The following TDRD12 variants were observed in gnomAD, a reference collection of about 807,000 sequenced individuals.
TDRD12 encodes the protein tudor domain containing 12.
In TDRD12, 158 loss-of-function variants were observed where a neutral mutation model predicts 133.5. The observed-to-expected ratio is 1.18, with a 90% confidence interval of 1.04 to 1.35. TDRD12 has a LOEUF of 1.35. Ranked by LOEUF, TDRD12 falls within the 40% of genes most tolerant of loss-of-function variation. The pLI is 0.00. For synonymous variants in TDRD12, 460 were observed against 477.9 expected (o/e 0.96, Z 0.49); for missense variants, 1,443 against 1,321.3 (o/e 1.09, Z -1.43).
Position 32,813,784 on chromosome 19 carries a change from C to T in TDRD12, c.3141+8C>T, listed in dbSNP as rs8107900. ...GTTTGGATTGATCCAATGGTAAGTA[C>T]GCATTTTTTCTTAGAAATAAATTTG... On this transcript the variant is annotated splice_region_variant and intron_variant, in intron 25 of 27. Transcript: ENST00000444215. The T allele has an allele frequency of 0.54, 796,557 of 1,485,234 alleles. 218,258 individuals are homozygous for T. Among genetic ancestry groups the T allele is most frequent in the East Asian group, 0.86 (34,662 of 40,502 alleles). The allele number at this position is 1,485,234 out of a possible 1,614,324, so 92.0% of individuals were successfully genotyped here.
exon 10 of TDRD12, chr19:32,827,197 C>T (rs1967619254): frequency 1.6e-6 from 2 of 1,231,754 alleles, no homozygotes; most frequent in Non-Finnish European, 2.0e-6. Context: ...TACACAGTGA[C>T]AGAGGTGGTT....
intron 9 of TDRD12, 136 bp from the exon 10 acceptor site, chr19:32,773,320 C>CT: frequency 1.3e-6 from 1 of 758,804 alleles, no homozygotes; most frequent in Non-Finnish European, 2.2e-6. Context: ...TTTTATCTCT[C>CT]TATCTCTGTG....
Position 32,807,396 on chromosome 19 carries a change from A to T in TDRD12, c.2553-153A>T, listed in dbSNP as rs1599613603. The T allele has an allele frequency of 6.9e-6, 3 of 435,134 alleles. No homozygotes were observed. The East Asian group carries it at 1.1e-4, about 16-fold the overall frequency. 27.0% of individuals were successfully genotyped at this position (435,134 alleles called of 1,614,324 possible). A position where few individuals can be genotyped will look rare whatever the true frequency, so the allele number is the denominator to read the frequency against. On this transcript the variant is annotated intron_variant, in intron 21 of 27. Coordinates refer to ENST00000444215, the Ensembl canonical transcript of TDRD12. ...CACTTATTTGTATATTATTAATGTCATCTGAAATATTTAATGTGGTTATTC... is the reference window on the plus strand; with the variant it reads ...CACTTATTTGTATATTATTAATGTCTTCTGAAATATTTAATGTGGTTATTC...
downstream of TDRD12, among the ~76,000 whole-genome samples, chr19:32,825,824 G>A (rs955023150): frequency 1.3e-5 from 2 of 152,114 alleles, no homozygotes; most frequent in Non-Finnish European, 2.9e-5. This position sits in a 1 kb window ranked among gnomAD's most constrained non-coding sequence, Gnocchi z 4.1. Context: ...AGGTTGCAGT[G>A]AGTCAAGATC....
chr19:32,720,178 A>G, intron 1 of TDRD12, 82 bp downstream of exon 1: 1 of 1,041,856 alleles, frequency 9.6e-7, no homozygotes, highest in Non-Finnish European at 1.2e-6. Flanking sequence ...TCCCACCCCC[A>G]CCCCAGCTCC....
chr19:32,728,206 G>C (rs779183179), intron 1 of TDRD12, among the ~76,000 whole-genome samples: 2 of 152,090 alleles, frequency 1.3e-5, no homozygotes, highest in Non-Finnish European at 2.9e-5. Flanking sequence ...GAGTCCTCCA[G>C]CTTTGTTCTT....
Position 32,790,524 on chromosome 19 carries a change from C to G in TDRD12, c.1122-7C>G. On this transcript the variant is annotated splice_polypyrimidine_tract_variant and splice_region_variant and intron_variant, in intron 11 of 27. Coordinates refer to ENST00000444215, the Ensembl canonical transcript of TDRD12. ...TTCTTCACATTCTTCTTTTAACTAT[C>G]TTACAGATTACTGCAGTTTTTAAAT... The G allele has an allele frequency of 6.4e-7, 1 of 1,551,208 alleles. No homozygotes were observed. Among genetic ancestry groups the G allele is most frequent in the Non-Finnish European group, 8.7e-7 (1 of 1,146,674 alleles).
At chr19:32,753,557 A>G (rs2145534315) in intron 6 of TDRD12, among the ~76,000 whole-genome samples, 1 of 151,114 alleles carries the variant, frequency 6.6e-6, no homozygotes, top group Admixed American at 6.6e-5. Flanking sequence ...AGGCTGGAGT[A>G]CACTGGCGCG....
intron 8 of TDRD12, among the ~76,000 whole-genome samples, chr19:32,761,739 G>T (rs1266194384): frequency 1.3e-5 from 2 of 151,984 alleles, no homozygotes; most frequent in African/African-American, 4.8e-5. Context: ...ACCTAGGCTG[G>T]AGTGCAGTGG....
rs889504309 is a variant in TDRD12 at position 32,757,026 on chromosome 19, T to A, written c.773-12T>A. Reference sequence around the variant, plus strand: ...TTCATGCTTTAATTCTGAAATTTATTCTTTCTATCAGATTCACATGGTGTA... The same window carrying A: ...TTCATGCTTTAATTCTGAAATTTATACTTTCTATCAGATTCACATGGTGTA... On this transcript the variant is annotated splice_polypyrimidine_tract_variant and intron_variant, in intron 7 of 27. Transcript: ENST00000444215. 28 of 1,546,676 alleles carry A rather than the reference T, an allele frequency of 1.8e-5. No homozygotes were observed. The highest frequency in any genetic ancestry group is 2.5e-5 in the Non-Finnish European group (28 of 1,142,534).
intron 21 of TDRD12, among the ~76,000 whole-genome samples, chr19:32,803,386 G>A (rs1971456567): frequency 6.6e-6 from 1 of 152,130 alleles, no homozygotes; most frequent in South Asian, 2.1e-4. Flanking sequence ...TTCGTGTCTG[G>A]CTTCTTTCTC....
At chr19:32,805,685 A>G (rs1421113152) in intron 21 of TDRD12, among the ~76,000 whole-genome samples, 1 of 145,388 alleles carries the variant, frequency 6.9e-6, no homozygotes, top group Non-Finnish European at 1.5e-5. Context: ...TTGTTTGGCT[A>G]TTTTAAATCC....
chr19:32,790,472 A>T (rs1971036371), intron 11 of TDRD12, 59 bp from the exon 12 acceptor site: 23 of 1,483,002 alleles, frequency 1.6e-5, no homozygotes, highest in Non-Finnish European at 1.9e-5. Context: ...CTAAAAGAAT[A>T]GCTCAACTGA....
intron 11 of TDRD12, among the ~76,000 whole-genome samples, chr19:32,780,795 G>GT (rs35298502): frequency 0.57 from 81,315 of 143,200 alleles, 23,161 homozygotes; most frequent in East Asian, 0.82. Context: ...CTTTCCTTGG[G>GT]TTTTTTTTTT....
In TDRD12 at chr19:32,772,851, G is replaced by T. The variant is rs1176835993; in HGVS notation, c.963+1G>T. On this transcript the variant is annotated splice_donor_variant, in intron 9 of 27. Transcript: ENST00000444215. LOFTEE classifies it high-confidence loss of function. The stretch of plus-strand genomic sequence containing the variant: ...CATCTCTTTAAAAGATACAAATAAG[G>T]TTGTATTTTAAAAATGTTCTTTAAA... 34 of 1,409,086 alleles carry T rather than the reference G, an allele frequency of 2.4e-5. No individual in the cohort carries two copies. Among genetic ancestry groups the T allele is most frequent in the Non-Finnish European group, 2.9e-5 (31 of 1,063,682 alleles). The allele number at this position is 1,409,086 out of a possible 1,614,324, so 87.3% of individuals were successfully genotyped here.
In TDRD12 at chr19:32,727,141, G is replaced by GT. The variant is rs200419837; in HGVS notation, c.25-4576dup. Among the ~76,000 whole-genome samples, 199 of 151,978 alleles carry GT rather than the reference G, an allele frequency of 1.3e-3. 6 individuals are homozygous for GT. The East Asian group carries it at 0.035, about 27-fold the overall frequency. On this transcript the variant is annotated intron_variant, in intron 1 of 27. Transcript: ENST00000444215. Reference sequence around the variant, plus strand: ...ACCTTCCAGCACACTGAATTTTCAGGTTTTTTTTGACAGTAGTTATCCTCA... The same window carrying GT: ...ACCTTCCAGCACACTGAATTTTCAGGTTTTTTTTTGACAGTAGTTATCCTCA...
intron 3 of TDRD12, among the ~76,000 whole-genome samples, chr19:32,741,883 A>G (rs1969438418): frequency 6.6e-6 from 1 of 152,186 alleles, no homozygotes; most frequent in Non-Finnish European, 1.5e-5. Flanking sequence ...CCTGGACCCT[A>G]CAAAGAAAAA....
intron 3 of TDRD12, among the ~76,000 whole-genome samples, chr19:32,740,664 G>A (rs1969396398): frequency 6.6e-6 from 1 of 152,168 alleles, no homozygotes; most frequent in Non-Finnish European, 1.5e-5. Flanking sequence ...GTGCCCTTTA[G>A]GGAGGCTTGG....
Position 32,756,279 on chromosome 19 carries a change from CAA to C in TDRD12, c.772+100_772+101del, listed in dbSNP as rs893333392. 2.0e-5 allele frequency: 21 copies of C among 1,037,962 alleles called. No individual in the cohort carries two copies. The African/African-American group carries it at 3.2e-4, about 16-fold the overall frequency. 64.3% of individuals were successfully genotyped at this position (1,037,962 alleles called of 1,614,324 possible). A position where few individuals can be genotyped will look rare whatever the true frequency, so the allele number is the denominator to read the frequency against. On this transcript the variant is annotated intron_variant, in intron 7 of 27. Transcript: ENST00000444215. Reference sequence around the variant, plus strand: ...GTACAGACTTTTCCCCACATGGAGACAAAGACTTGGACTCTGTTTAAAGTTTA... The same window carrying C: ...GTACAGACTTTTCCCCACATGGAGACAGACTTGGACTCTGTTTAAAGTTTA...
Sources: gnomAD v4.1 joint callset for allele counts (sites outside exome capture counted in the v4.1 genomes callset) on GRCh38, gnomAD v4.1.1 for gene constraint, Gnocchi (gnomAD v3.1) non-coding constraint, MANE v1.5 for transcripts, NCBI Gene and HGNC (gene_info 2026-07-23, HGNC 2026-07-21) for gene names.